ANKRD6: variants seen among roughly 807,000 people sequenced by gnomAD.
ANKRD6 encodes the protein ankyrin repeat domain 6.
A neutral mutation model predicts 82.3 loss-of-function variants in ANKRD6; 56 were observed. That is an observed-to-expected ratio of 0.68 (90% confidence interval 0.55 to 0.85). The LOEUF is 0.85. Ranked by LOEUF, ANKRD6 falls within the 40% of genes least tolerant of loss-of-function variation. ANKRD6 has a pLI of 0.00. For missense variants in ANKRD6, 852 were observed against 907.6 expected, an observed-to-expected ratio of 0.94 and a Z score of 0.79; for synonymous variants, 347 against 352.1, an observed-to-expected ratio of 0.99 and a Z score of 0.16.
chr6:89,533,880 T>C (rs1191042756), intron 1 of ANKRD6, among the ~76,000 whole-genome samples: 3 of 152,104 alleles, frequency 2.0e-5, no homozygotes, highest in Non-Finnish European at 4.4e-5. Flanking sequence ...TTCTTTGAGT[T>C]GGCATCTTTC....
At chr6:89,438,577 T>A (rs1770939305) in intron 1 of ANKRD6, among the ~76,000 whole-genome samples, 1 of 152,224 alleles carries the variant, frequency 6.6e-6, no homozygotes, top group African/African-American at 2.4e-5. Flanking sequence ...TGAGTAGCCA[T>A]TTTTTGTACA....
chr6:89,470,285 G>A (rs1168020660), intron 1 of ANKRD6, among the ~76,000 whole-genome samples: 2 of 152,152 alleles, frequency 1.3e-5, no homozygotes, highest in African/African-American at 4.8e-5. Flanking sequence ...AAACGTTACT[G>A]AAAATGGCTG....
chr6:89,495,526 G>A (rs997727132), intron 1 of ANKRD6, among the ~76,000 whole-genome samples: 1 of 152,154 alleles, frequency 6.6e-6, no homozygotes, highest in Non-Finnish European at 1.5e-5. Context: ...ACTCTGACAG[G>A]TACTATATAA....
In ANKRD6 at chr6:89,581,306, A is replaced by T. The variant is rs565250822; in HGVS notation, c.120+14210A>T. Among the ~76,000 whole-genome samples the T allele has an allele frequency of 2.0e-5, 3 of 152,284 alleles. No individual in the cohort carries two copies. In the South Asian group the frequency reaches 6.2e-4, roughly 32 times the overall value. ...TGCACAGTACGATTATGTTTGTGGG[A>T]TAAATTTCTCTAAGTGGTACTTCTG... On this transcript the variant is annotated intron_variant, in intron 2 of 15. Transcript: ENST00000339746.
chr6:89,560,130 A>G (rs1787186102), intron 1 of ANKRD6, among the ~76,000 whole-genome samples: 1 of 152,212 alleles, frequency 6.6e-6, no homozygotes, highest in Admixed American at 6.5e-5. Context: ...CTATAACAGC[A>G]ATTATGCTTG....
At chr6:89,586,560 G>A (rs1160339875) in intron 2 of ANKRD6, among the ~76,000 whole-genome samples, 1 of 152,124 alleles carries the variant, frequency 6.6e-6, no homozygotes, top group East Asian at 1.9e-4. Context: ...GGTGTCACAT[G>A]CCTGTAATCC....
intron 1 of ANKRD6, among the ~76,000 whole-genome samples, chr6:89,517,162 G>A (rs576269500): frequency 1.3e-5 from 2 of 152,208 alleles, no homozygotes; most frequent in South Asian, 2.1e-4. Flanking sequence ...AAGCCACCAC[G>A]CCTGGCCAGA....
intron 2 of ANKRD6, among the ~76,000 whole-genome samples, chr6:89,588,272 C>G (rs1343785932): frequency 6.6e-6 from 1 of 152,214 alleles, no homozygotes; most frequent in Non-Finnish European, 1.5e-5. Context: ...AAAGACTCTT[C>G]CCATTCTGAA....
chr6:89,530,283 A>C (rs1782978012), intron 1 of ANKRD6, among the ~76,000 whole-genome samples: 1 of 152,110 alleles, frequency 6.6e-6, no homozygotes, highest in South Asian at 2.1e-4. Context: ...ATATTGCAAG[A>C]ATTAGCAAAA....
At chr6:89,497,566 G>C (rs756774772) in intron 1 of ANKRD6, among the ~76,000 whole-genome samples, 12 of 152,076 alleles carry the variant, frequency 7.9e-5, no homozygotes, top group African/African-American at 1.2e-4. Flanking sequence ...AAACTGTCTT[G>C]TTTTCTAAAT....
At chr6:89,461,678 G>A (rs144967811) in intron 1 of ANKRD6, among the ~76,000 whole-genome samples, 131 of 152,246 alleles carry the variant, frequency 8.6e-4, no homozygotes, top group African/African-American at 3.0e-3. Flanking sequence ...GCTCTCTAGT[G>A]TATTAGATAA....
chr6:89,494,432 G>C (rs1270217711), intron 1 of ANKRD6, among the ~76,000 whole-genome samples: 2 of 152,176 alleles, frequency 1.3e-5, no homozygotes, highest in Non-Finnish European at 2.9e-5. Flanking sequence ...CAAGGATGGG[G>C]ACTAATACTG....
At chr6:89,467,387 G>T (rs918565738) in intron 1 of ANKRD6, among the ~76,000 whole-genome samples, 3 of 152,230 alleles carry the variant, frequency 2.0e-5, no homozygotes, top group Middle Eastern at 6.8e-3. Flanking sequence ...AACTTTTGGA[G>T]TTTGCTTTGT....
chr6:89,626,818 G>A (rs367997272), intron 13 of ANKRD6, among the ~76,000 whole-genome samples: 8 of 152,346 alleles, frequency 5.3e-5, no homozygotes, highest in Admixed American at 3.3e-4. Context: ...AGTGACAACT[G>A]CTTGTTCTCT....
At chr6:89,500,137 C>T (rs938985111) in intron 1 of ANKRD6, among the ~76,000 whole-genome samples, 9 of 152,108 alleles carry the variant, frequency 5.9e-5, no homozygotes. Context: ...AGTTGATGAC[C>T]TTGATGCTTC....
rs1227274602 is a variant in ANKRD6 at position 89,445,264 on chromosome 6, CTT to C, written c.-144+11912_-144+11913del. Among the ~76,000 whole-genome samples, 621 of 64,036 alleles carry C rather than the reference CTT, an allele frequency of 9.7e-3. 2 individuals carry two copies. Among genetic ancestry groups the C allele is most frequent in the Non-Finnish European group, 0.013 (481 of 35,714 alleles). 42.0% of individuals were successfully genotyped at this position (64,036 alleles called of 152,430 possible). On this transcript the variant is annotated intron_variant, in intron 1 of 15. Coordinates refer to ENST00000339746, the MANE Select transcript of ANKRD6 (RefSeq NM_001242809.2). ...CGGTGATCTGTGATCAGAGATCTTT[CTT>C]TTTTTTTTTTTTTTTTTTTTTTGAG...
chr6:89,521,147 T>A (rs1442548301), intron 1 of ANKRD6, among the ~76,000 whole-genome samples: 1 of 152,242 alleles, frequency 6.6e-6, no homozygotes, highest in African/African-American at 2.4e-5. Flanking sequence ...AATACTGATT[T>A]GAGTATCTAC....
chr6:89,439,354 T>G (rs571155401), intron 1 of ANKRD6, among the ~76,000 whole-genome samples: 1 of 152,184 alleles, frequency 6.6e-6, no homozygotes, highest in East Asian at 1.9e-4. Context: ...AAAAAAAAAG[T>G]TTTTGCCATG....
intron 1 of ANKRD6, among the ~76,000 whole-genome samples, chr6:89,560,128 G>A (rs1001731904): frequency 6.6e-6 from 1 of 152,184 alleles, no homozygotes; most frequent in Non-Finnish European, 1.5e-5. Flanking sequence ...GCCTATAACA[G>A]CAATTATGCT....
Sources: allele counts gnomAD v4.1 joint callset (sites outside exome capture counted in the v4.1 genomes callset), GRCh38; gene constraint gnomAD v4.1.1; transcripts MANE v1.5; gene names NCBI Gene and HGNC (gene_info 2026-07-23, HGNC 2026-07-21).